Variants in FARP1 observed in about 807,000 individuals in gnomAD.
The protein encoded by FARP1 is FERM, ARHGEF and pleckstrin domain-containing protein 1.
FARP1 carries 52 observed loss-of-function variants against 128.8 expected under a neutral mutation model. That is an observed-to-expected ratio of 0.40 (90% CI 0.32 to 0.51). The LOEUF is 0.51. Among genes scored for constraint, FARP1 ranks in the 20% least tolerant of loss-of-function variants. The pLI, the probability that FARP1 is intolerant of heterozygous loss-of-function variation, is 0.45. For synonymous variants in FARP1, 580 were observed against 551.8 expected, an observed-to-expected ratio of 1.05 and a Z score of -0.72; for missense variants, 1,333 against 1,367.9, an observed-to-expected ratio of 0.97 and a Z score of 0.40.
intron 1 of FARP1, among the ~76,000 whole-genome samples, chr13:98,189,061 G>A (rs1423252267): frequency 6.6e-6 from 1 of 152,138 alleles, no homozygotes; most frequent in African/African-American, 2.4e-5. Flanking sequence ...TGTGATGCAG[G>A]TCACTTCCCA....
intron 1 of FARP1, among the ~76,000 whole-genome samples, chr13:98,212,290 A>C (rs778688980): frequency 6.6e-6 from 1 of 152,172 alleles, no homozygotes; most frequent in Non-Finnish European, 1.5e-5. Context: ...TCCTGACCTC[A>C]GGTGATTCAC....
At chr13:98,362,381 A>G (rs894000103) in intron 3 of FARP1, among the ~76,000 whole-genome samples, 6 of 152,190 alleles carry the variant, frequency 3.9e-5, no homozygotes, top group African/African-American at 7.2e-5. Flanking sequence ...CATGCACCAG[A>G]CGTTCAGACC....
rs1438180655 is a variant in FARP1 at position 98,227,052 on chromosome 13, A to T, written c.171+13639A>T. Among the ~76,000 whole-genome samples, 3 of 151,646 alleles carry T rather than the reference A, an allele frequency of 2.0e-5. No individual in the cohort carries two copies. The East Asian group carries it at 5.8e-4, about 29-fold the overall frequency. On this transcript the variant is annotated intron_variant, in intron 2 of 26. Transcript: ENST00000319562. ...GCCTCCCGGGTTCACGTCATTCTCT[A>T]GCCTCAGCCTCCTGAGTAGCTGGGA...
intron 2 of FARP1, among the ~76,000 whole-genome samples, chr13:98,285,375 TCTC>T (rs1256524528): frequency 2.6e-5 from 4 of 152,192 alleles, no homozygotes; most frequent in African/African-American, 4.8e-5. Context: ...TTTCTCCTAA[TCTC>T]CTCATTTTAT....
rs41279114 is a variant in FARP1 at position 98,377,928 on chromosome 13, A to G, written c.496+10A>G. 30,753 of 1,582,840 alleles carry G rather than the reference A, an allele frequency of 0.019. 405 individuals carry two copies. The highest frequency in any genetic ancestry group is 0.023 in the Non-Finnish European group (26,728 of 1,151,904). On this transcript the variant is annotated intron_variant, in intron 6 of 26. Coordinates refer to ENST00000319562, the MANE Select transcript of FARP1 (RefSeq NM_005766.4). ...TCACACATTGTGCAATGTAAGTTCT[A>G]TTGGTTTCCTTTGAAAATCATGTTC...
At chr13:98,358,743 C>A (rs183232535) in intron 3 of FARP1, among the ~76,000 whole-genome samples, 3 of 152,154 alleles carry the variant, frequency 2.0e-5, no homozygotes, top group Non-Finnish European at 2.9e-5. Flanking sequence ...TCAAGTGATT[C>A]TCCTGCCTCA....
chr13:98,244,834 G>T (rs1882974745), intron 2 of FARP1: 2 of 1,479,558 alleles, frequency 1.4e-6, no homozygotes, highest in South Asian at 1.4e-5. Flanking sequence ...TGCTGGGTAG[G>T]AGTAGATACA....
chr13:98,392,487 C>G (rs1263400419), intron 11 of FARP1, among the ~76,000 whole-genome samples: 2 of 149,722 alleles, frequency 1.3e-5, no homozygotes, highest in Non-Finnish European at 3.0e-5. Flanking sequence ...GGCCACAGAG[C>G]GAGATCCTGT....
intron 1 of FARP1, among the ~76,000 whole-genome samples, chr13:98,184,696 A>G (rs1298395112): frequency 6.6e-6 from 1 of 152,174 alleles, no homozygotes; most frequent in African/African-American, 2.4e-5. Context: ...GGCCAACTCC[A>G]CAGCCTTTAC....
rs1437266545 is a variant in FARP1 at position 98,176,898 on chromosome 13, G to A, written c.-24+33406G>A. The stretch of plus-strand genomic sequence containing the variant: ...GCTCCTTCTCGGTGTCCTGCTCGAA[G>A]TCAGCGGTGGCCCCCATGTCCTCTG... On this transcript the variant is annotated intron_variant, in intron 1 of 26. Coordinates refer to ENST00000319562, the MANE Select transcript of FARP1 (RefSeq NM_005766.4). This position sits in a 1 kb window ranked among gnomAD's most constrained non-coding sequence, Gnocchi z 6.2. 7 of 1,605,792 alleles carry A rather than the reference G, an allele frequency of 4.4e-6. No homozygotes were observed. Among genetic ancestry groups the A allele is most frequent in the Non-Finnish European group, 5.9e-6 (7 of 1,179,936 alleles).
chr13:98,219,474 T>C (rs1249619080), intron 2 of FARP1, among the ~76,000 whole-genome samples: 1 of 151,628 alleles, frequency 6.6e-6, no homozygotes, highest in African/African-American at 2.4e-5. Flanking sequence ...TAGCTGGGAC[T>C]ACAGGTGCAT....
intron 1 of FARP1, among the ~76,000 whole-genome samples, chr13:98,167,583 T>C (rs1877358501): frequency 6.6e-6 from 1 of 151,890 alleles, no homozygotes; most frequent in Non-Finnish European, 1.5e-5. Context: ...CTAATTTTTG[T>C]ATTTTTAGTA....
At chr13:98,420,701 G>T (rs1326258253) in intron 16 of FARP1, among the ~76,000 whole-genome samples, 5 of 152,214 alleles carry the variant, frequency 3.3e-5, no homozygotes, top group Non-Finnish European at 7.3e-5. Flanking sequence ...AATTACCCAG[G>T]CAATAAATAT....
chr13:98,224,593 G>C lies in FARP1; in HGVS notation c.171+11180G>C, dbSNP rs9584774. ...AACAATAGGTAGTTACTATCTTACA[G>C]TGCTGGAGGGGCAGGTGAAACAGAG... On this transcript the variant is annotated intron_variant, in intron 2 of 26. Transcript: ENST00000319562. Among the ~76,000 whole-genome samples the C allele has an allele frequency of 4.3e-3, 647 of 149,156 alleles. 5 individuals carry two copies. Among genetic ancestry groups the C allele is most frequent in the African/African-American group, 0.015 (622 of 40,524 alleles).
intron 6 of FARP1, among the ~76,000 whole-genome samples, chr13:98,379,587 A>G (rs1050026730): frequency 5.3e-5 from 8 of 152,108 alleles, no homozygotes; most frequent in South Asian, 4.1e-4. Flanking sequence ...TTTAATGTCC[A>G]TGGGGTATTG....
intron 2 of FARP1, among the ~76,000 whole-genome samples, chr13:98,238,147 C>T (rs540974058): frequency 1.8e-4 from 28 of 152,230 alleles, no homozygotes; most frequent in Non-Finnish European, 3.5e-4. Context: ...CAGCTTCTCC[C>T]GACTAAGAGG....
chr13:98,205,050 T>G (rs1372467757), intron 1 of FARP1, among the ~76,000 whole-genome samples: 1 of 152,228 alleles, frequency 6.6e-6, no homozygotes, highest in Non-Finnish European at 1.5e-5. Context: ...TTTTTGGCAT[T>G]TAAGCCTTGG....
At position 98,377,279 on chromosome 13, in the gene FARP1, C is replaced by T. The variant is rs573305611; in HGVS notation, c.399-542C>T. The stretch of plus-strand genomic sequence containing the variant: ...ATCACGCCACTGCACTCCAGCCTGG[C>T]GACAGAGCGAGACTTTGTCTCAAAA... On this transcript the variant is annotated intron_variant, in intron 5 of 26. Coordinates refer to ENST00000319562, the MANE Select transcript of FARP1 (RefSeq NM_005766.4). Among the ~76,000 whole-genome samples, 324 of 143,974 alleles carry T rather than the reference C, an allele frequency of 2.3e-3. 2 individuals are homozygous for T. The highest frequency in any genetic ancestry group is 3.9e-3 in the Non-Finnish European group (261 of 66,944). The allele number at this position is 143,974 out of a possible 152,430, so 94.5% of individuals were successfully genotyped here. A position where few individuals can be genotyped will look rare whatever the true frequency, so the allele number is the denominator to read the frequency against.
intron 1 of FARP1, among the ~76,000 whole-genome samples, chr13:98,193,934 T>C (rs530920605): frequency 1.9e-4 from 29 of 152,316 alleles, no homozygotes; most frequent in Non-Finnish European, 3.4e-4. Flanking sequence ...TATATTTTAA[T>C]TTCTTGAACT....
Sources: gnomAD v4.1 joint callset for allele counts (sites outside exome capture counted in the v4.1 genomes callset) on GRCh38, gnomAD v4.1.1 for gene constraint, Gnocchi (gnomAD v3.1) non-coding constraint, MANE v1.5 for transcripts, NCBI Gene and HGNC (gene_info 2026-07-23, HGNC 2026-07-21) for gene names.